HS3ST4: variants seen among roughly 807,000 people sequenced by gnomAD.
The protein encoded by HS3ST4 is heparan sulfate-glucosamine 3-sulfotransferase 4.
HS3ST4 carries 17 observed loss-of-function variants against 29.2 expected under a neutral mutation model. The observed-to-expected ratio is 0.58, with a 90% CI of 0.40 to 0.87. The LOEUF (loss-of-function observed/expected upper bound fraction) is 0.87. Among genes scored for constraint, HS3ST4 ranks in the 40% least tolerant of loss-of-function variants. The probability of loss-of-function intolerance (pLI) is 0.00; values close to 1 mark genes in which losing one functional copy is unlikely to be tolerated. For synonymous variants in HS3ST4, 314 were observed against 285.7 expected, an observed-to-expected ratio of 1.10 and a Z score of -1.00; for missense variants, 627 against 634.5, an observed-to-expected ratio of 0.99 and a Z score of 0.13.
At chr16:25,800,090 C>T (rs1596574579) in intron 1 of HS3ST4, among the ~76,000 whole-genome samples, 1 of 146,684 alleles carries the variant, frequency 6.8e-6, no homozygotes, top group East Asian at 2.0e-4. Flanking sequence ...TCCTTCCTTC[C>T]TGCCTTCCTT....
chr16:25,796,893 C>T (rs564205039), intron 1 of HS3ST4, among the ~76,000 whole-genome samples: 1 of 152,232 alleles, frequency 6.6e-6, no homozygotes, highest in East Asian at 1.9e-4. Flanking sequence ...GCGTTGCGGT[C>T]GCATTGGTAA....
chr16:26,028,292 A>G (rs1042181245), intron 1 of HS3ST4, among the ~76,000 whole-genome samples: 144 of 151,542 alleles, frequency 9.5e-4, no homozygotes, highest in Non-Finnish European at 1.9e-3. Flanking sequence ...AAAAAAAAAA[A>G]AAAGAATAAG....
intron 1 of HS3ST4, among the ~76,000 whole-genome samples, chr16:25,722,876 A>G (rs532200316): frequency 9.2e-5 from 14 of 152,326 alleles, no homozygotes; most frequent in Admixed American, 9.1e-4. Context: ...CATGCTGCTG[A>G]TAAAGACATA....
chr16:25,974,808 T>C (rs962977588), intron 1 of HS3ST4, among the ~76,000 whole-genome samples: 2 of 152,230 alleles, frequency 1.3e-5, no homozygotes, highest in African/African-American at 2.4e-5. Flanking sequence ...AATGACACAC[T>C]TCTGGTTCTT....
chr16:25,969,783 T>C (rs1270127174), intron 1 of HS3ST4, among the ~76,000 whole-genome samples: 1 of 152,234 alleles, frequency 6.6e-6, no homozygotes, highest in East Asian at 1.9e-4. Context: ...GGCATGAACT[T>C]GGACTTGAGT....
intron 1 of HS3ST4, among the ~76,000 whole-genome samples, chr16:25,760,084 C>T (rs1966780061): frequency 6.6e-6 from 1 of 152,186 alleles, no homozygotes; most frequent in South Asian, 2.1e-4. Flanking sequence ...CTTTGTGCGT[C>T]TATGAGGGCT....
At chr16:25,721,209 TA>T (rs1254459310) in intron 1 of HS3ST4, among the ~76,000 whole-genome samples, 4 of 152,080 alleles carry the variant, frequency 2.6e-5, no homozygotes, top group Non-Finnish European at 5.9e-5. Flanking sequence ...ACATGGTACA[TA>T]AACATCCCAT....
intron 1 of HS3ST4, among the ~76,000 whole-genome samples, chr16:25,932,178 G>T (rs549955020): frequency 6.6e-6 from 1 of 152,174 alleles, no homozygotes; most frequent in South Asian, 2.1e-4. Context: ...GCTGGGTGTT[G>T]TGGCAGGTGC....
intron 1 of HS3ST4, among the ~76,000 whole-genome samples, chr16:25,777,947 A>G (rs1032607506): frequency 1.7e-4 from 26 of 152,146 alleles, no homozygotes; most frequent in African/African-American, 6.3e-4. Flanking sequence ...AGAGAAATAG[A>G]TAGACACACA....
intron 1 of HS3ST4, among the ~76,000 whole-genome samples, chr16:26,097,794 G>A (rs1472860662): frequency 6.6e-6 from 1 of 152,116 alleles, no homozygotes; most frequent in Non-Finnish European, 1.5e-5. Flanking sequence ...GAGTGAACAG[G>A]CAACCTACAG....
chr16:26,013,495 C>T (rs532577794), intron 1 of HS3ST4, among the ~76,000 whole-genome samples: 1 of 152,240 alleles, frequency 6.6e-6, no homozygotes, highest in African/African-American at 2.4e-5. Context: ...GGATGTTTTC[C>T]AAAAACACTC....
In HS3ST4 at chr16:25,901,833, C is replaced by T. The variant is rs149822476; in HGVS notation, c.734+208682C>T. ...CCTCTCACCACTCCTTTCATTTTTT[C>T]CATTACAGAATTCTCCCAAAAAACT... is the stretch of plus-strand genomic sequence containing the variant. On this transcript the variant is annotated intron_variant, in intron 1 of 1. Transcript: ENST00000331351. Among the ~76,000 whole-genome samples, 621 of 152,248 alleles carry T rather than the reference C, an allele frequency of 4.1e-3. 1 individual carries two copies. Among genetic ancestry groups the T allele is most frequent in the Middle Eastern group, 0.01 (3 of 294 alleles).
intron 1 of HS3ST4, among the ~76,000 whole-genome samples, chr16:25,869,464 T>C (rs570356897): frequency 6.6e-6 from 1 of 152,304 alleles, no homozygotes; most frequent in African/African-American, 2.4e-5. Context: ...GGGCATGTTA[T>C]TTGACCTCTT....
chr16:25,733,222 C>T (rs1000664069), intron 1 of HS3ST4, among the ~76,000 whole-genome samples: 2 of 152,212 alleles, frequency 1.3e-5, no homozygotes, highest in African/African-American at 2.4e-5. Flanking sequence ...TGACGTGAGA[C>T]ACGCTTTTTC....
chr16:25,973,909 A>G (rs563520657), intron 1 of HS3ST4, among the ~76,000 whole-genome samples: 2 of 152,280 alleles, frequency 1.3e-5, no homozygotes, highest in East Asian at 3.9e-4. Context: ...ATAGTGTCCA[A>G]TGTCTAAATA....
intron 1 of HS3ST4, among the ~76,000 whole-genome samples, chr16:25,990,334 AC>A (rs1969103718): frequency 6.6e-6 from 1 of 152,178 alleles, no homozygotes; most frequent in Admixed American, 6.5e-5. Flanking sequence ...AAACTGCCAA[AC>A]TGTCTTCCAA....
chr16:25,760,150 C>T (rs919707936), intron 1 of HS3ST4, among the ~76,000 whole-genome samples: 18 of 152,136 alleles, frequency 1.2e-4, no homozygotes, highest in Non-Finnish European at 2.5e-4. Flanking sequence ...CTAACCCTAA[C>T]CCTAACACTT....
In HS3ST4 at chr16:26,013,503, C is replaced by T. The variant is rs1969331264; in HGVS notation, c.735-122109C>T. On this transcript the variant is annotated intron_variant, in intron 1 of 1. Transcript: ENST00000331351. The stretch of plus-strand genomic sequence containing the variant: ...CTCCTAGGGATGTTTTCCAAAAACA[C>T]TCAGCATGCATTTATACAGATTCAC... Among the ~76,000 whole-genome samples the T allele has an allele frequency of 2.0e-5, 3 of 152,280 alleles. No homozygotes were observed. The South Asian group carries it at 6.2e-4, about 32-fold the overall frequency.
intron 1 of HS3ST4, among the ~76,000 whole-genome samples, chr16:25,879,519 C>A (rs1460716215): frequency 6.6e-6 from 1 of 152,048 alleles, no homozygotes; most frequent in South Asian, 2.1e-4. Flanking sequence ...ACCATCAGAT[C>A]TCCTGAGACT....
Sources: gnomAD v4.1 joint callset for allele counts (sites outside exome capture counted in the v4.1 genomes callset) on GRCh38, gnomAD v4.1.1 for gene constraint, MANE v1.5 for transcripts, NCBI Gene and HGNC (gene_info 2026-07-23, HGNC 2026-07-21) for gene names.